Variants in PACRG observed in about 807,000 individuals in gnomAD.
The protein encoded by PACRG is parkin coregulated gene protein.
PACRG carries 29 observed loss-of-function variants against 29.7 expected under a neutral mutation model. The observed-to-expected ratio is 0.98, with a 90% CI of 0.73 to 1.33. PACRG has a LOEUF of 1.33. Among genes scored for constraint, PACRG ranks in the 40% most tolerant of loss-of-function variants. The pLI, the probability that PACRG is intolerant of heterozygous loss-of-function variation, is 0.00. For missense variants in PACRG, 279 were observed against 316.2 expected, an observed-to-expected ratio of 0.88 and a Z score of 0.89; for synonymous variants, 116 against 118.7, an observed-to-expected ratio of 0.98 and a Z score of 0.15.
At position 162,728,083 on chromosome 6, in the gene PACRG, C is replaced by T; in HGVS notation, c.-153C>T. The T allele has an allele frequency of 1.1e-6, 1 of 951,260 alleles. No homozygotes were observed. The highest frequency in any genetic ancestry group is 2.3e-5 in the Admixed American group (1 of 44,252). The allele number at this position is 951,260 out of a possible 1,614,324, so 58.9% of individuals were successfully genotyped here. On this transcript the variant is annotated 5_prime_UTR_variant, in exon 1 of 5. Coordinates refer to ENST00000366888, the MANE Select transcript of PACRG (RefSeq NM_001080379.2). ...CCAGCTCCCTTCACCTAGGAGCTGC[C>T]AAACATCTGGATCAACCTGGGCACT...
At chr6:162,944,523 G>A (rs1798859531) in intron 2 of PACRG, among the ~76,000 whole-genome samples, 1 of 152,108 alleles carries the variant, frequency 6.6e-6, no homozygotes, top group East Asian at 1.9e-4. Flanking sequence ...ATAGTTATTT[G>A]AAAGGAATTC....
chr6:162,959,984 C>T (rs568326619), intron 2 of PACRG, among the ~76,000 whole-genome samples: 9 of 152,134 alleles, frequency 5.9e-5, no homozygotes, highest in Non-Finnish European at 2.9e-5. Context: ...GACATACAAG[C>T]AGCCAACAAA....
At chr6:162,835,712 G>A (rs1789166443) in intron 2 of PACRG, among the ~76,000 whole-genome samples, 1 of 152,080 alleles carries the variant, frequency 6.6e-6, no homozygotes, top group African/African-American at 2.4e-5. Context: ...CAAGTAGCAT[G>A]TGCTTTTTAA....
In PACRG at chr6:162,825,937, A is replaced by G. The variant is rs189203321; in HGVS notation, c.291+11656A>G. Among the ~76,000 whole-genome samples, 5 of 151,926 alleles carry G rather than the reference A, an allele frequency of 3.3e-5. No homozygotes were observed. In the East Asian group the frequency reaches 9.7e-4, roughly 29 times the overall value. ...TTTGAGAATGGCTATGCATTTATTT[A>G]TTTTATTTTATTTTATTTTATTTTT... On this transcript the variant is annotated intron_variant, in intron 2 of 4. Coordinates refer to ENST00000366888, the MANE Select transcript of PACRG (RefSeq NM_001080379.2).
At chr6:162,867,397 G>C (rs913858683) in intron 2 of PACRG, among the ~76,000 whole-genome samples, 1 of 152,078 alleles carries the variant, frequency 6.6e-6, no homozygotes, top group Non-Finnish European at 1.5e-5. Flanking sequence ...TAACAGATGT[G>C]AGACTTCTTG....
chr6:163,105,787 G>A (rs1186775577), intron 4 of PACRG, among the ~76,000 whole-genome samples: 1 of 152,122 alleles, frequency 6.6e-6, no homozygotes, highest in Non-Finnish European at 1.5e-5. Flanking sequence ...TGGAAAGTTA[G>A]AAATCTCCTC....
At chr6:163,022,508 G>A (rs972740726) in intron 2 of PACRG, among the ~76,000 whole-genome samples, 2 of 152,176 alleles carry the variant, frequency 1.3e-5, no homozygotes, top group South Asian at 2.1e-4. Flanking sequence ...AATGTGGTTC[G>A]TGAGGAACTG....
chr6:163,196,885 ATGG>A (rs1780474578), intron 4 of PACRG, among the ~76,000 whole-genome samples: 3 of 151,784 alleles, frequency 2.0e-5, no homozygotes, highest in African/African-American at 7.3e-5. Flanking sequence ...AGGTAGATAG[ATGG>A]ATAGACATGT....
Position 163,178,551 on chromosome 6 carries a change from G to A in PACRG, c.613+89143G>A, listed in dbSNP as rs761622. On this transcript the variant is annotated intron_variant, in intron 4 of 4. Coordinates refer to ENST00000366888, the MANE Select transcript of PACRG (RefSeq NM_001080379.2). The stretch of plus-strand genomic sequence containing the variant: ...CGTTCTTCTCTGACTTCATAGAGCC[G>A]TTGCACTTTATGGTAGCCTGGTTGC... 3.3e-5 allele frequency among the ~76,000 whole-genome samples: 5 copies of A among 152,126 alleles called. No individual in the cohort carries two copies. In the South Asian group the frequency reaches 1.0e-3, roughly 31 times the overall value.
At chr6:163,273,232 A>T (rs1001565327) in intron 4 of PACRG, among the ~76,000 whole-genome samples, 1 of 152,114 alleles carries the variant, frequency 6.6e-6, no homozygotes, top group South Asian at 2.1e-4. Flanking sequence ...TTATTTTGCT[A>T]ATATTCTGTT....
intron 4 of PACRG, among the ~76,000 whole-genome samples, chr6:163,147,954 G>A (rs921594844): frequency 5.9e-5 from 9 of 151,962 alleles, no homozygotes; most frequent in Non-Finnish European, 1.2e-4. Flanking sequence ...TCAATCCTCC[G>A]TGCTGCCTCA....
In PACRG at chr6:163,314,834, C is replaced by T. The variant is rs191922264; in HGVS notation, c.621C>T (p.Ser207=). The part of the protein sequence containing the change: ...LNIFKNMNVN[S]GDGIDYSQQK... ...TGTGTTTGCATGCACCAGTGAACTCCGGAGACGGCATTGACTACAGCCAGC... is the reference window on the plus strand; with the variant it reads ...TGTGTTTGCATGCACCAGTGAACTCTGGAGACGGCATTGACTACAGCCAGC... Residue 207 remains serine (S), a synonymous_variant, in exon 5 of 5, where the codon TCC becomes TCT. Coordinates refer to ENST00000366888, the MANE Select transcript of PACRG (RefSeq NM_001080379.2). 69 of 1,613,742 alleles carry T rather than the reference C, an allele frequency of 4.3e-5. No individual in the cohort carries two copies. Among genetic ancestry groups the T allele is most frequent in the African/African-American group, 1.2e-4 (9 of 75,002 alleles).
chr6:163,121,952 A>G (rs952061833), intron 4 of PACRG, among the ~76,000 whole-genome samples: 6 of 151,844 alleles, frequency 4.0e-5, no homozygotes, highest in Admixed American at 1.3e-4. Flanking sequence ...GTGAGCCACC[A>G]CGCCTGGCCG....
chr6:162,918,068 A>G (rs965576338), intron 2 of PACRG, among the ~76,000 whole-genome samples: 1 of 152,190 alleles, frequency 6.6e-6, no homozygotes, highest in Non-Finnish European at 1.5e-5. Context: ...GATTCTATAT[A>G]GCATTTTTAG....
At chr6:163,301,904 G>A (rs1406893925) in intron 4 of PACRG, among the ~76,000 whole-genome samples, 1 of 152,174 alleles carries the variant, frequency 6.6e-6, no homozygotes, top group Non-Finnish European at 1.5e-5. Flanking sequence ...TGGGATGCAT[G>A]GCCATTTGTG....
chr6:162,835,003 A>G (rs1325827958), intron 2 of PACRG, among the ~76,000 whole-genome samples: 1 of 152,086 alleles, frequency 6.6e-6, no homozygotes. Flanking sequence ...TTACATTTTT[A>G]TTATTCTACT....
chr6:163,263,016 A>C (rs984065715), intron 4 of PACRG, among the ~76,000 whole-genome samples: 1 of 151,228 alleles, frequency 6.6e-6, no homozygotes. Context: ...ACACCACTGC[A>C]CTACAGCCTG....
At chr6:163,029,237 A>G (rs9347717) in intron 2 of PACRG, among the ~76,000 whole-genome samples, 56,628 of 152,076 alleles carry the variant, frequency 0.37, 11,600 homozygotes, top group East Asian at 0.7. Flanking sequence ...GCCTGAACCA[A>G]TGCAGCTCTG....
At chr6:162,913,197 A>G (rs762819734) in intron 2 of PACRG, among the ~76,000 whole-genome samples, 1 of 152,190 alleles carries the variant, frequency 6.6e-6, no homozygotes, top group Non-Finnish European at 1.5e-5. Flanking sequence ...GTATACACCC[A>G]TGAACCATCT....
Sources: allele counts gnomAD v4.1 joint callset (sites outside exome capture counted in the v4.1 genomes callset), GRCh38; gene constraint gnomAD v4.1.1; transcripts MANE v1.5; gene names NCBI Gene and HGNC (gene_info 2026-07-23, HGNC 2026-07-21).